UNC13B: variants seen among roughly 807,000 people sequenced by gnomAD.
UNC13B encodes unc-13 homolog B.
Under a neutral mutation model 211.0 loss-of-function variants are expected in UNC13B, and 144 were observed. That is an observed-to-expected ratio of 0.68 (90% CI 0.60 to 0.78). The LOEUF (loss-of-function observed/expected upper bound fraction) is 0.78, where lower values mean the gene tolerates loss of function less well. Among genes scored for constraint, UNC13B ranks in the 30% least tolerant of loss-of-function variants. The probability of loss-of-function intolerance (pLI) is 0.00; values close to 1 mark genes in which losing one functional copy is unlikely to be tolerated. For synonymous variants in UNC13B, 709 were observed against 725.8 expected (o/e 0.98, Z 0.37); for missense variants, 1,777 against 2,002.0 (o/e 0.89, Z 2.14).
intron 11 of UNC13B, among the ~76,000 whole-genome samples, chr9:35,314,945 G>GTGATCATTGC (rs1817466730): frequency 7.6e-6 from 1 of 131,526 alleles, no homozygotes; most frequent in African/African-American, 2.9e-5. Flanking sequence ...GTGCAGTGGT[G>GTGATCATTGC]TGATCATTGC....
intron 11 of UNC13B, among the ~76,000 whole-genome samples, chr9:35,341,091 A>C (rs988381506): frequency 6.6e-6 from 1 of 152,222 alleles, no homozygotes; most frequent in Admixed American, 6.5e-5. Flanking sequence ...ATTTGGGGTC[A>C]TAAAAGGGGC....
chr9:35,309,222 AGTGTGT>A (rs5897599), intron 9 of UNC13B, among the ~76,000 whole-genome samples: 13,481 of 144,738 alleles, frequency 0.093, 964 homozygotes, highest in African/African-American at 0.2. Flanking sequence ...GGTCAGGGTC[AGTGTGT>A]GTGTGTGTGT....
At chr9:35,347,522 G>C (rs1333007116) in intron 11 of UNC13B, among the ~76,000 whole-genome samples, 1 of 152,174 alleles carries the variant, frequency 6.6e-6, no homozygotes, top group African/African-American at 2.4e-5. Flanking sequence ...ACAGTGACTG[G>C]TTGGTCCTCT....
intron 7 of UNC13B, among the ~76,000 whole-genome samples, chr9:35,284,191 G>A (rs543788499): frequency 9.2e-5 from 14 of 152,152 alleles, no homozygotes; most frequent in African/African-American, 3.1e-4. Context: ...GCCTGAACCC[G>A]GGAGGCAGAG....
At chr9:35,298,063 A>G (rs1161532839) in intron 8 of UNC13B, among the ~76,000 whole-genome samples, 1 of 152,098 alleles carries the variant, frequency 6.6e-6, no homozygotes, top group Non-Finnish European at 1.5e-5. Context: ...CAATTATTTT[A>G]TTGATTGGAG....
chr9:35,370,382 C>T lies in UNC13B; in HGVS notation c.9526C>T (p.Leu3176Phe). ...PDLRRKKPLP[L>F]VSDLSLVQSR... ...TTTACGCAGAAAGAAGCCACTGCCA[C>T]TTGTCAGTGATCTGGTGAGTGAAGA... Residue 3176 changes from leucine to phenylalanine, a missense_variant, in exon 13 of 40, where the codon CTT (leucine) becomes TTT (phenylalanine). By Grantham distance (22) the Leu-to-Phe change is conservative. Transcript: ENST00000635942. The T allele has an allele frequency of 6.2e-7, 1 of 1,613,916 alleles. No homozygotes were observed. The highest frequency in any genetic ancestry group is 8.5e-7 in the Non-Finnish European group (1 of 1,179,964).
chr9:35,286,055 A>G (rs1291299093), intron 7 of UNC13B, among the ~76,000 whole-genome samples: 2 of 152,000 alleles, frequency 1.3e-5, no homozygotes, highest in Non-Finnish European at 2.9e-5. Flanking sequence ...GTGATTTTAT[A>G]ATAAGAAACA....
At chr9:35,336,818 C>G (rs1831689110) in intron 11 of UNC13B, among the ~76,000 whole-genome samples, 1 of 152,180 alleles carries the variant, frequency 6.6e-6, no homozygotes, top group African/African-American at 2.4e-5. Context: ...TCAGGCAATT[C>G]AACCCATTAC....
At chr9:35,332,695 C>T (rs1168930084) in intron 11 of UNC13B, among the ~76,000 whole-genome samples, 2 of 152,156 alleles carry the variant, frequency 1.3e-5, no homozygotes, top group African/African-American at 4.8e-5. Flanking sequence ...TGAAATAGAG[C>T]TCGAGTCATG....
intron 35 of UNC13B, 69 bp from the exon 36 acceptor site, chr9:35,399,579 GC>G: frequency 6.2e-7 from 1 of 1,600,102 alleles, no homozygotes; most frequent in Non-Finnish European, 8.6e-7. Context: ...TGCACTGGGG[GC>G]TGGCAGGTGG....
At chr9:35,400,756 A>C (rs1474882729) in intron 37 of UNC13B, among the ~76,000 whole-genome samples, 1 of 152,240 alleles carries the variant, frequency 6.6e-6, no homozygotes, top group Non-Finnish European at 1.5e-5. Context: ...AAAATCTGTG[A>C]GGAAGCCTTG....
Position 35,401,453 on chromosome 9 carries a change from A to C in UNC13B, c.12484+1010A>C, listed in dbSNP as rs142986734. Among the ~76,000 whole-genome samples, 69 of 152,322 alleles carry C rather than the reference A, an allele frequency of 4.5e-4. 1 individual carries two copies. Among genetic ancestry groups the C allele is most frequent in the African/African-American group, 1.6e-3 (66 of 41,576 alleles). ...GTAGAACTTTTACAGAGCTGGGTAC[A>C]TGTTCAGGCATACACCATCAAGGAA... is the stretch of plus-strand genomic sequence containing the variant. On this transcript the variant is annotated intron_variant, in intron 37 of 39. Coordinates refer to ENST00000635942, the MANE Select transcript of UNC13B (RefSeq NM_001371189.2).
intron 2 of UNC13B, among the ~76,000 whole-genome samples, chr9:35,228,804 T>A (rs1198556717): frequency 1.3e-5 from 2 of 151,600 alleles, no homozygotes; most frequent in South Asian, 4.2e-4. Flanking sequence ...TGTTGTAGAT[T>A]TGTACCCTGA....
intron 11 of UNC13B, among the ~76,000 whole-genome samples, chr9:35,356,793 C>A (rs2132096096): frequency 6.6e-6 from 1 of 152,300 alleles, no homozygotes; most frequent in Non-Finnish European, 1.5e-5. Context: ...CAGCCTCTGG[C>A]AACCATTAAT....
intron 7 of UNC13B, among the ~76,000 whole-genome samples, chr9:35,282,771 C>G (rs928864318): frequency 1.3e-5 from 2 of 152,042 alleles, no homozygotes; most frequent in Non-Finnish European, 2.9e-5. Context: ...TGGGTTCCCC[C>G]TCCGTCTCTT....
intron 11 of UNC13B, among the ~76,000 whole-genome samples, chr9:35,354,389 G>A (rs1039271354): frequency 1.3e-5 from 2 of 152,102 alleles, no homozygotes; most frequent in African/African-American, 4.8e-5. Context: ...TACCTGACTT[G>A]CTGACACAGA....
intron 1 of UNC13B, among the ~76,000 whole-genome samples, chr9:35,219,557 C>T (rs981362593): frequency 1.4e-5 from 2 of 146,444 alleles, no homozygotes; most frequent in African/African-American, 5.1e-5. Context: ...GTCAAGGCTG[C>T]AGTGAGCCAT....
chr9:35,270,516 A>G lies in UNC13B; in HGVS notation c.526+11466A>G, dbSNP rs536320794. Among the ~76,000 whole-genome samples the G allele has an allele frequency of 1.9e-3, 294 of 152,264 alleles. 1 individual carries two copies. The highest frequency in any genetic ancestry group is 6.8e-3 in the African/African-American group (283 of 41,536). On this transcript the variant is annotated intron_variant, in intron 7 of 39. Transcript: ENST00000635942. ...TTTGCTGTGTCCTGTAATGTACACA[A>G]ACAAATTTTAGGATTAATATACCCA...
chr9:35,210,604 G>C (rs535399840), intron 1 of UNC13B, among the ~76,000 whole-genome samples: 1 of 151,836 alleles, frequency 6.6e-6, no homozygotes, highest in Non-Finnish European at 1.5e-5. Context: ...GCTCACTGCA[G>C]CCTCCGCCTC....
Sources: gnomAD v4.1 joint callset for allele counts (sites outside exome capture counted in the v4.1 genomes callset) on GRCh38, gnomAD v4.1.1 for gene constraint, MANE v1.5 for transcripts, NCBI Gene and HGNC (gene_info 2026-07-23, HGNC 2026-07-21) for gene names.